ACYP2: variants seen among roughly 807,000 people sequenced by gnomAD.
ACYP2 encodes the protein acylphosphatase 2.
Under a neutral mutation model 11.2 loss-of-function variants are expected in ACYP2, and 12 were observed. That is an observed-to-expected ratio of 1.08 (90% CI 0.69 to 1.74). The LOEUF (loss-of-function observed/expected upper bound fraction) is 1.74, where lower values mean the gene tolerates loss of function less well. Ranked by LOEUF, ACYP2 falls within the 40% of genes most tolerant of loss-of-function variation. ACYP2 has a pLI of 0.00. For missense variants in ACYP2, 134 were observed against 101.9 expected, an observed-to-expected ratio of 1.31 and a Z score of -1.35; for synonymous variants, 43 against 32.2, an observed-to-expected ratio of 1.33 and a Z score of -1.13.
intron 2 of ACYP2, among the ~76,000 whole-genome samples, chr2:54,050,646 A>G (rs2103616883): frequency 6.6e-6 from 1 of 152,260 alleles, no homozygotes; most frequent in Middle Eastern, 3.4e-3. Flanking sequence ...TATGGGTTTT[A>G]AAAAATGCAT....
At chr2:54,202,692 G>T (rs1417940180) in intron 6 of ACYP2, among the ~76,000 whole-genome samples, 2 of 131,588 alleles carry the variant, frequency 1.5e-5, no homozygotes, top group African/African-American at 5.7e-5. Context: ...ACAGGTGTGA[G>T]CCACGGCGCC....
chr2:54,289,198 C>T (rs775468042), intron 6 of ACYP2, among the ~76,000 whole-genome samples: 74 of 152,100 alleles, frequency 4.9e-4, no homozygotes, highest in Admixed American at 1.2e-3. Context: ...TCTCTCCTCT[C>T]CCTTTCAGCC....
intron 2 of ACYP2, among the ~76,000 whole-genome samples, chr2:54,037,096 A>G (rs1449015286): frequency 1.3e-5 from 2 of 152,158 alleles, no homozygotes. Context: ...TTTAGAAAAT[A>G]TTTCAATGGA....
chr2:54,108,794 T>A (rs935200648), intron 4 of ACYP2, among the ~76,000 whole-genome samples: 3 of 152,188 alleles, frequency 2.0e-5, no homozygotes, highest in South Asian at 2.1e-4. Flanking sequence ...AATATTAACT[T>A]TACCTTTTTC....
intron 6 of ACYP2, among the ~76,000 whole-genome samples, chr2:54,285,813 C>T (rs1212100566): frequency 6.6e-6 from 1 of 152,160 alleles, no homozygotes; most frequent in Non-Finnish European, 1.5e-5. Context: ...ATCTATCCTG[C>T]TGTCTGGAAC....
intron 6 of ACYP2, among the ~76,000 whole-genome samples, chr2:54,259,845 G>A (rs919114184): frequency 1.2e-4 from 18 of 152,260 alleles, no homozygotes; most frequent in East Asian, 3.9e-4. Context: ...AACAGGAAGC[G>A]AAAAAGTGAA....
intron 4 of ACYP2, among the ~76,000 whole-genome samples, chr2:54,103,416 T>C (rs749040990): frequency 6.6e-6 from 1 of 152,268 alleles, no homozygotes; most frequent in Non-Finnish European, 1.5e-5. Flanking sequence ...ATCTTAACCT[T>C]GGTCTTAATT....
intron 2 of ACYP2, among the ~76,000 whole-genome samples, chr2:53,994,882 G>T (rs1467074807): frequency 6.6e-6 from 1 of 152,180 alleles, no homozygotes; most frequent in Admixed American, 6.5e-5. Context: ...AACAGGAAGA[G>T]TGGTTATGTT....
intron 6 of ACYP2, among the ~76,000 whole-genome samples, chr2:54,216,284 A>G (rs1406042865): frequency 6.6e-6 from 1 of 152,116 alleles, no homozygotes; most frequent in Non-Finnish European, 1.5e-5. Context: ...AATATGCTTC[A>G]GTTGATGTCT....
At chr2:54,067,229 G>A (rs1676796224) in intron 4 of ACYP2, among the ~76,000 whole-genome samples, 3 of 152,160 alleles carry the variant, frequency 2.0e-5, no homozygotes. Context: ...AGCAGAGCAA[G>A]ATCACCAACA....
intron 6 of ACYP2, among the ~76,000 whole-genome samples, chr2:54,236,524 TTCTAG>T (rs1686485908): frequency 2.0e-5 from 3 of 152,184 alleles, no homozygotes; most frequent in Admixed American, 2.0e-4. Context: ...TGTTATTGAT[TTCTAG>T]TCTAATTTCT....
intron 2 of ACYP2, among the ~76,000 whole-genome samples, chr2:54,034,739 G>C (rs1323339858): frequency 1.3e-5 from 2 of 152,088 alleles, no homozygotes; most frequent in African/African-American, 2.4e-5. Context: ...ATCTGGGCAC[G>C]GTGGCTCACG....
chr2:54,302,860 C>T (rs1283108523), intron 6 of ACYP2, among the ~76,000 whole-genome samples: 1 of 152,164 alleles, frequency 6.6e-6, no homozygotes, highest in Non-Finnish European at 1.5e-5. Context: ...AGCAAATCTA[C>T]TTTTACTATA....
chr2:54,201,144 C>G (rs112185154), intron 6 of ACYP2, among the ~76,000 whole-genome samples: 1 of 149,408 alleles, frequency 6.7e-6, no homozygotes, highest in Admixed American at 6.7e-5. Flanking sequence ...CTCGCTCTGT[C>G]GCCCAGGCTG....
chr2:54,064,870 A>T (rs1041839818), intron 4 of ACYP2, among the ~76,000 whole-genome samples: 72 of 152,092 alleles, frequency 4.7e-4, no homozygotes, highest in African/African-American at 1.7e-3. Context: ...CGGATCACAA[A>T]GTCAGGAGTT....
intron 6 of ACYP2, among the ~76,000 whole-genome samples, chr2:54,197,942 A>ACTGTATTGTATTGTATTGTATTG: frequency 1.4e-5 from 1 of 69,566 alleles, no homozygotes; most frequent in Non-Finnish European, 3.3e-5. Context: ...TGTATGTATT[A>ACTGTATTGTATTGTATTGTATTG]TATTGTATTG....
chr2:54,036,884 T>C (rs1674929100), intron 2 of ACYP2, among the ~76,000 whole-genome samples: 1 of 152,190 alleles, frequency 6.6e-6, no homozygotes, highest in Non-Finnish European at 1.5e-5. Context: ...TGTTACCTCC[T>C]GCGTGGCCCC....
chr2:54,192,800 G>A (rs1406650001), intron 6 of ACYP2, among the ~76,000 whole-genome samples: 1 of 152,126 alleles, frequency 6.6e-6, no homozygotes, highest in Non-Finnish European at 1.5e-5. Context: ...ATGGTGGAAG[G>A]CACCCCTTCA....
At chr2:54,153,765 A>G (rs1682307046) in intron 6 of ACYP2, among the ~76,000 whole-genome samples, 2 of 151,602 alleles carry the variant, frequency 1.3e-5, no homozygotes, top group African/African-American at 2.4e-5. Context: ...ACACCCGGCT[A>G]ATTTTTTGCA....
Sources: gnomAD v4.1 joint callset for allele counts (sites outside exome capture counted in the v4.1 genomes callset) on GRCh38, gnomAD v4.1.1 for gene constraint, MANE v1.5 for transcripts, NCBI Gene and HGNC (gene_info 2026-07-23, HGNC 2026-07-21) for gene names.